Variants in PODXL2 observed in about 807,000 individuals in gnomAD.
The protein encoded by PODXL2 is podocalyxin-like protein 2.
In PODXL2, 17 loss-of-function variants were observed where a neutral mutation model predicts 53.4. The observed-to-expected ratio is 0.32, with a 90% CI of 0.22 to 0.48. The LOEUF (loss-of-function observed/expected upper bound fraction) is 0.48. Among genes scored for constraint, PODXL2 ranks in the 20% least tolerant of loss-of-function variants. PODXL2 has a pLI of 0.99. For synonymous variants in PODXL2, 311 were observed against 306.7 expected (o/e 1.01, Z -0.15); for missense variants, 673 against 760.0 (o/e 0.89, Z 1.35).
chr3:127,669,847 C>A (rs2074820825), intron 6 of PODXL2, among the ~76,000 whole-genome samples: 1 of 152,188 alleles, frequency 6.6e-6, no homozygotes, highest in South Asian at 2.1e-4. Flanking sequence ...CAGGGTCCCC[C>A]AGTCCTGCTC....
At position 127,629,229 on chromosome 3, in the gene PODXL2, C is replaced by T. The variant is rs1045009693; in HGVS notation, c.10C>T (p.Leu4=). Residue 4 remains leucine, a synonymous_variant, in exon 1 of 8, where the codon CTG becomes TTG. Transcript: ENST00000342480. The surrounding 1 kb of genome is among the most constrained non-coding windows in gnomAD (Gnocchi z 6.4). The stretch of plus-strand genomic sequence containing the variant: ...CGGCGACGGCTACACCATGGGCCGG[C>T]TGCTGCGGGCCGCCCGGCTGCCGCC... MGR[L]LRAARLPPLL... 1.5e-5 allele frequency: 15 copies of T among 996,260 alleles called. No homozygotes were observed. The Admixed American group carries it at 2.5e-4, about 16-fold the overall frequency. The allele number at this position is 996,260 out of a possible 1,614,324, so 61.7% of individuals were successfully genotyped here.
At chr3:127,662,644 T>G (rs2074774825) in intron 4 of PODXL2, among the ~76,000 whole-genome samples, 1 of 152,198 alleles carries the variant, frequency 6.6e-6, no homozygotes, top group African/African-American at 2.4e-5. Context: ...TTTTCTCCGT[T>G]TTGGGTCTCA....
chr3:127,657,885 T>C (rs941398295), intron 2 of PODXL2, among the ~76,000 whole-genome samples: 5 of 152,238 alleles, frequency 3.3e-5, no homozygotes, highest in African/African-American at 4.8e-5. Context: ...TATACTTGTT[T>C]TGTGGGTGTG....
intron 2 of PODXL2, among the ~76,000 whole-genome samples, chr3:127,647,188 T>C (rs1009135348): frequency 6.6e-6 from 1 of 152,132 alleles, no homozygotes; most frequent in South Asian, 2.1e-4. Context: ...CTTGAAAATA[T>C]TATGATTCTG....
intron 1 of PODXL2, among the ~76,000 whole-genome samples, chr3:127,636,182 G>C (rs2074577086): frequency 6.6e-6 from 1 of 152,228 alleles, no homozygotes; most frequent in African/African-American, 2.4e-5. Flanking sequence ...GCAAAGATGT[G>C]TGTTATTAAT....
chr3:127,672,409 T>G lies in PODXL2; in HGVS notation c.1747T>G (p.Trp583Gly). The G allele has an allele frequency of 6.5e-7, 1 of 1,542,608 alleles. No individual in the cohort carries two copies. The highest frequency in any genetic ancestry group is 8.7e-7 in the Non-Finnish European group (1 of 1,145,638). Residue 583 changes from tryptophan to glycine, a missense_variant, in exon 8 of 8, where the codon TGG (tryptophan) becomes GGG (glycine). By Grantham distance (184) the Trp-to-Gly change is radical. This residue lies in a region of PODXL2 where 79 missense variants were observed against 70.5 expected (regional missense o/e 1.12). Transcript: ENST00000342480. ...GGGALNGPGS[W>G]GALMGGKRDP... The stretch of plus-strand genomic sequence containing the variant: ...CGGGGCCCTCAACGGCCCGGGGAGC[T>G]GGGGGGCGCTCATGGGGGGCAAGCG...
intron 2 of PODXL2, among the ~76,000 whole-genome samples, chr3:127,652,378 C>A (rs947734296): frequency 6.6e-6 from 1 of 152,150 alleles, no homozygotes; most frequent in African/African-American, 2.4e-5. Context: ...CAGTGCCATT[C>A]CCAGCAGTTC....
chr3:127,661,811 C>T (rs1316852106), intron 3 of PODXL2, among the ~76,000 whole-genome samples: 2 of 152,124 alleles, frequency 1.3e-5, no homozygotes, highest in Non-Finnish European at 2.9e-5. Flanking sequence ...CATCCCATCT[C>T]ACCACCCTCC....
chr3:127,642,974 G>A (rs949919187), intron 2 of PODXL2, among the ~76,000 whole-genome samples: 1 of 151,990 alleles, frequency 6.6e-6, no homozygotes, highest in African/African-American at 2.4e-5. Flanking sequence ...CATACATTTC[G>A]AGCACTCAGC....
At chr3:127,668,671 A>T (rs1260807209) in intron 5 of PODXL2, 74 bp downstream of exon 5, 1 of 1,350,138 alleles carries the variant, frequency 7.4e-7, no homozygotes, top group African/African-American at 1.5e-5. Context: ...TCACGGGAAA[A>T]AAGTGCACGC....
chr3:127,662,211 G>T, intron 3 of PODXL2, 26 bp from the exon 4 acceptor site: 1 of 1,603,526 alleles, frequency 6.2e-7, no homozygotes, highest in East Asian at 2.2e-5. Context: ...CGTAACTGTC[G>T]CCCTTCTTTC....
At chr3:127,631,088 T>C (rs1192043031) in intron 1 of PODXL2, among the ~76,000 whole-genome samples, 2 of 152,210 alleles carry the variant, frequency 1.3e-5, no homozygotes, top group African/African-American at 2.4e-5. Flanking sequence ...GTCTCTTTCT[T>C]ACACACCTTT....
At chr3:127,650,950 C>T (rs1446868091) in intron 2 of PODXL2, among the ~76,000 whole-genome samples, 6 of 152,140 alleles carry the variant, frequency 3.9e-5, no homozygotes, top group African/African-American at 9.6e-5. Flanking sequence ...TGAGCCACCG[C>T]GCCCAGCTGT....
At chr3:127,641,584 G>A (rs1576427847) in intron 2 of PODXL2, among the ~76,000 whole-genome samples, 1 of 152,032 alleles carries the variant, frequency 6.6e-6, no homozygotes, top group East Asian at 2.0e-4. Flanking sequence ...TGCCATCTTG[G>A]CTCACCACAA....
At chr3:127,638,973 G>A (rs1487838927) in intron 1 of PODXL2, among the ~76,000 whole-genome samples, 1 of 152,168 alleles carries the variant, frequency 6.6e-6, no homozygotes, top group Non-Finnish European at 1.5e-5. Flanking sequence ...GACCACATGC[G>A]CAGTGGAACA....
intron 1 of PODXL2, 142 bp from the exon 2 acceptor site, chr3:127,639,103 G>T (rs555351984): frequency 2.6e-5 from 21 of 817,628 alleles, no homozygotes; most frequent in Non-Finnish European, 3.7e-5. Flanking sequence ...CAGAATCCCC[G>T]CAAAGCCTCT....
At chr3:127,645,116 G>C (rs1269217461) in intron 2 of PODXL2, among the ~76,000 whole-genome samples, 2 of 152,214 alleles carry the variant, frequency 1.3e-5, no homozygotes. Context: ...GCTCTTGATA[G>C]TCCGGCCCCA....
At chr3:127,655,650 CTG>C (rs956964907) in intron 2 of PODXL2, among the ~76,000 whole-genome samples, 15 of 152,106 alleles carry the variant, frequency 9.9e-5, no homozygotes, top group Non-Finnish European at 2.1e-4. Context: ...TGAGACCACA[CTG>C]TAAAAAGAAA....
rs977513351 is a variant in PODXL2 at position 127,672,658 on chromosome 3, C to T, written c.*178C>T. 9 of 484,000 alleles carry T rather than the reference C, an allele frequency of 1.9e-5. No individual in the cohort carries two copies. The highest frequency in any genetic ancestry group is 1.1e-5 in the Non-Finnish European group (3 of 281,008). 30.0% of individuals were successfully genotyped at this position (484,000 alleles called of 1,614,324 possible). A position where few individuals can be genotyped will look rare whatever the true frequency, so the allele number is the denominator to read the frequency against. On this transcript the variant is annotated 3_prime_UTR_variant, in exon 8 of 8. Transcript: ENST00000342480. ...CACACGGCGGCTTCGGACCAACTCC[C>T]TCACTCCCGCCCGAGGGGCAGGCCT...
Sources: allele counts gnomAD v4.1 joint callset (sites outside exome capture counted in the v4.1 genomes callset), GRCh38; gene constraint gnomAD v4.1.1; regional missense constraint gnomAD v4.1.1; non-coding constraint Gnocchi (gnomAD v3.1); transcripts MANE v1.5; gene names NCBI Gene and HGNC (gene_info 2026-07-23, HGNC 2026-07-21).